TEX264: variants seen among roughly 807,000 people sequenced by gnomAD.
TEX264 encodes testis-expressed protein 264.
TEX264 carries 13 observed loss-of-function variants against 23.4 expected under a neutral mutation model. The ratio of observed to expected loss-of-function variants is 0.56; its 90% CI spans 0.36 to 0.88. TEX264 has a LOEUF of 0.88. TEX264 is among the 40% of genes least tolerant of loss of function. The probability of loss-of-function intolerance (pLI) is 0.01; values close to 1 mark genes in which losing one functional copy is unlikely to be tolerated. For synonymous variants in TEX264, 159 were observed against 170.0 expected, an observed-to-expected ratio of 0.94 and a Z score of 0.50; for missense variants, 340 against 406.8, an observed-to-expected ratio of 0.84 and a Z score of 1.41.
chr3:51,692,090 G>A (rs1031609962), intron 3 of TEX264, among the ~76,000 whole-genome samples: 1 of 152,208 alleles, frequency 6.6e-6, no homozygotes, highest in African/African-American at 2.4e-5. Flanking sequence ...CGGCGTGGGA[G>A]CCACCACTCT....
chr3:51,693,084 C>T (rs1332197901), intron 3 of TEX264, among the ~76,000 whole-genome samples: 4 of 152,216 alleles, frequency 2.6e-5, no homozygotes, highest in African/African-American at 9.7e-5. Flanking sequence ...CATTGTTTCC[C>T]CACCCCTCAA....
intron 2 of TEX264, among the ~76,000 whole-genome samples, chr3:51,679,909 G>A (rs1374555261): frequency 6.6e-6 from 1 of 152,150 alleles, no homozygotes; most frequent in Non-Finnish European, 1.5e-5. Context: ...CTGTCTCCGT[G>A]TGCCTTTGGG....
chr3:51,692,319 T>A (rs1702857881), intron 3 of TEX264, among the ~76,000 whole-genome samples: 1 of 152,088 alleles, frequency 6.6e-6, no homozygotes, highest in Non-Finnish European at 1.5e-5. Context: ...AGGAGAGAAT[T>A]TGCAGTGCAC....
intron 3 of TEX264, among the ~76,000 whole-genome samples, chr3:51,698,547 G>A (rs891833855): frequency 6.6e-6 from 1 of 152,194 alleles, no homozygotes; most frequent in Admixed American, 6.5e-5. Context: ...TGGCATGTCT[G>A]TGCCCCTCCA....
At chr3:51,689,572 G>A (rs1301502900) in intron 3 of TEX264, among the ~76,000 whole-genome samples, 1 of 152,066 alleles carries the variant, frequency 6.6e-6, no homozygotes, top group Non-Finnish European at 1.5e-5. Flanking sequence ...AGCCTGTGGT[G>A]GGAGCTGTAC....
chr3:51,692,860 G>T (rs976535427), intron 3 of TEX264, among the ~76,000 whole-genome samples: 3 of 152,238 alleles, frequency 2.0e-5, no homozygotes, highest in Non-Finnish European at 2.9e-5. Context: ...TCTCCTTGGG[G>T]TACTCACTCC....
intron 2 of TEX264, chr3:51,682,827 GAC>G (rs1188407002): frequency 6.6e-6 from 1 of 152,322 alleles, no homozygotes; most frequent in Non-Finnish European, 1.5e-5. Flanking sequence ...GCTGCAAGGG[GAC>G]CAGAGCTGCA....
At chr3:51,685,991 T>C (rs942583549) in intron 3 of TEX264, among the ~76,000 whole-genome samples, 1 of 152,090 alleles carries the variant, frequency 6.6e-6, no homozygotes, top group Non-Finnish European at 1.5e-5. Flanking sequence ...AAGTATGTAG[T>C]GATGCTTTCA....
chr3:51,699,359 C>T (rs745711702), intron 3 of TEX264, 47 bp from the exon 4 acceptor site: 9 of 1,594,684 alleles, frequency 5.6e-6, no homozygotes, highest in South Asian at 3.3e-5. Context: ...ACAAGTGAGT[C>T]AGGGGCCCTG....
chr3:51,699,629 C>A, intron 4 of TEX264, 55 bp downstream of exon 4: 1 of 1,588,414 alleles, frequency 6.3e-7, no homozygotes, highest in Non-Finnish European at 8.6e-7. Flanking sequence ...CTCTTCTGGA[C>A]TCCAGGGGCT....
At chr3:51,678,572 T>C (rs1285829692) in intron 2 of TEX264, among the ~76,000 whole-genome samples, 1 of 152,194 alleles carries the variant, frequency 6.6e-6, no homozygotes, top group Non-Finnish European at 1.5e-5. Flanking sequence ...TGGTGTTTGC[T>C]CCAGGCATGG....
intron 3 of TEX264, among the ~76,000 whole-genome samples, chr3:51,690,250 C>T (rs908798055): frequency 2.6e-5 from 4 of 152,138 alleles, no homozygotes; most frequent in African/African-American, 9.7e-5. Context: ...CAGGTGAGGA[C>T]GCCACGTGTG....
intron 3 of TEX264, among the ~76,000 whole-genome samples, chr3:51,690,427 G>T (rs1183989123): frequency 1.3e-5 from 2 of 152,098 alleles, no homozygotes; most frequent in African/African-American, 4.8e-5. Context: ...AGCTACTCAG[G>T]AGGCTGAGGC....
intron 3 of TEX264, among the ~76,000 whole-genome samples, chr3:51,690,557 CAAA>C (rs1301569354): frequency 1.1e-4 from 6 of 55,894 alleles, no homozygotes; most frequent in Admixed American, 4.1e-4. Flanking sequence ...GACTCCGTCT[CAAA>C]AAAAAAAAAA....
At chr3:51,685,989 A>G (rs1321086005) in intron 3 of TEX264, among the ~76,000 whole-genome samples, 1 of 152,092 alleles carries the variant, frequency 6.6e-6, no homozygotes, top group Non-Finnish European at 1.5e-5. Context: ...GCAAGTATGT[A>G]GTGATGCTTT....
intron 1 of TEX264, chr3:51,672,445 A>G (rs1702081761): frequency 6.6e-6 from 1 of 152,210 alleles, no homozygotes; most frequent in African/African-American, 2.4e-5. Context: ...AGTGAGAGGA[A>G]GAGAAAGGTA....
chr3:51,690,342 G>C (rs561946656), intron 3 of TEX264, among the ~76,000 whole-genome samples: 7 of 152,288 alleles, frequency 4.6e-5, no homozygotes, highest in African/African-American at 1.7e-4. Context: ...GACCAGCCTG[G>C]CCAACACAGT....
chr3:51,695,308 C>G (rs1323341769), intron 3 of TEX264, among the ~76,000 whole-genome samples: 1 of 152,212 alleles, frequency 6.6e-6, no homozygotes, highest in Non-Finnish European at 1.5e-5. Context: ...AGATGTGACC[C>G]GTCCTTGGCC....
At chr3:51,688,321 G>A (rs1352735333) in intron 3 of TEX264, among the ~76,000 whole-genome samples, 1 of 152,250 alleles carries the variant, frequency 6.6e-6, no homozygotes, top group Non-Finnish European at 1.5e-5. Context: ...GTCTTAATGA[G>A]TGTCCAGGGA....
Sources: allele counts gnomAD v4.1 joint callset (sites outside exome capture counted in the v4.1 genomes callset), GRCh38; gene constraint gnomAD v4.1.1; transcripts MANE v1.5; gene names NCBI Gene and HGNC (gene_info 2026-07-23, HGNC 2026-07-21).